Variants in AQP7 observed in about 807,000 individuals in gnomAD.
AQP7 encodes aquaporin 7, also known as aquaporin-7.
AQP7 carries 22 observed loss-of-function variants against 26.1 expected under a neutral mutation model. The observed-to-expected ratio is 0.84, with a 90% confidence interval of 0.60 to 1.20. The LOEUF (loss-of-function observed/expected upper bound fraction) is 1.20, where lower values mean the gene tolerates loss of function less well. Among genes scored for constraint, AQP7 ranks in the 50% most tolerant of loss-of-function variants. AQP7 has a pLI of 0.00. For synonymous variants in AQP7, 167 were observed against 181.7 expected, an observed-to-expected ratio of 0.92 and a Z score of 0.65; for missense variants, 412 against 457.5, an observed-to-expected ratio of 0.90 and a Z score of 0.91.
chr9:33,389,354 G>T (rs750853413), intron 3 of AQP7, among the ~76,000 whole-genome samples: 15 of 152,014 alleles, frequency 9.9e-5, no homozygotes, highest in Non-Finnish European at 1.8e-4. Context: ...AATTTATTTT[G>T]TGTAGAGATG....
chr9:33,396,960 G>A (rs891872391), intron 2 of AQP7, among the ~76,000 whole-genome samples: 1 of 151,880 alleles, frequency 6.6e-6, no homozygotes, highest in African/African-American at 2.4e-5. Flanking sequence ...AATTAGTCAG[G>A]TGTTGTGGTG....
At position 33,387,885 on chromosome 9, in the gene AQP7, G is replaced by A. The variant is rs371022223; in HGVS notation, c.145-793C>T. Among the ~76,000 whole-genome samples the A allele has an allele frequency of 6.6e-5, 10 of 152,120 alleles. No individual in the cohort carries two copies. The South Asian group carries it at 8.3e-4, about 13-fold the overall frequency. On this transcript the variant is annotated intron_variant, in intron 3 of 7. Coordinates refer to ENST00000297988, the MANE Select transcript of AQP7 (RefSeq NM_001170.3). ...GCAAACTGTCCCACCCCTGCCCAGC[G>A]TCCTTCTCCAGCTGTGGGTTCCTGG...
intron 3 of AQP7, among the ~76,000 whole-genome samples, chr9:33,387,457 G>A (rs539930487): frequency 5.9e-5 from 9 of 152,124 alleles, no homozygotes; most frequent in African/African-American, 2.2e-4. Context: ...CACACTTCAG[G>A]CTGGCCTGAA....
At chr9:33,392,144 TC>T (rs1254522631) in intron 3 of AQP7, among the ~76,000 whole-genome samples, 23 of 152,072 alleles carry the variant, frequency 1.5e-4, no homozygotes, top group African/African-American at 4.8e-4. Flanking sequence ...TGAAACCTCG[TC>T]TTTCCTAAAA....
Position 33,387,048 on chromosome 9 carries a change from T to C in AQP7, c.189A>G (p.Lys63=), listed in dbSNP as rs144983498. 4.5e-5 allele frequency: 72 copies of C among 1,611,862 alleles called. No individual in the cohort carries two copies. In the African/African-American group the frequency reaches 8.6e-4, roughly 19 times the overall value. Residue 63 remains lysine (K), a synonymous_variant, in exon 4 of 8, where the codon AAA becomes AAG. Transcript: ENST00000297988. The part of the protein sequence containing the change: ...GSVAHMVLNK[K]YGSYLGVNLG... ...AGTTGACACCAAGGTAGCTCCCATATTTTTTATTTAGAACCATATGGGCCA... is the reference window on the plus strand; with the variant it reads ...AGTTGACACCAAGGTAGCTCCCATACTTTTTATTTAGAACCATATGGGCCA...
chr9:33,396,867 G>A (rs1454692101), intron 2 of AQP7, among the ~76,000 whole-genome samples: 2 of 151,380 alleles, frequency 1.3e-5, no homozygotes, highest in Admixed American at 6.6e-5. Context: ...TTGCCGAGGC[G>A]AGCTGATCGC....
At chr9:33,398,027 A>T (rs986778458) in intron 2 of AQP7, among the ~76,000 whole-genome samples, 2 of 152,208 alleles carry the variant, frequency 1.3e-5, no homozygotes, top group African/African-American at 4.8e-5. Flanking sequence ...ATGCAGTGTG[A>T]TGAGCACTGC....
At chr9:33,398,063 G>A (rs931177187) in intron 2 of AQP7, among the ~76,000 whole-genome samples, 11 of 152,202 alleles carry the variant, frequency 7.2e-5, no homozygotes, top group African/African-American at 1.2e-4. Flanking sequence ...GGGCACCGTG[G>A]GGCATGTGGA....
At position 33,385,085 on chromosome 9, in the gene AQP7, C is replaced by T. The variant is rs199594532; in HGVS notation, c.949G>A (p.Val317Ile). 9.4e-5 allele frequency: 152 copies of T among 1,611,870 alleles called. No homozygotes were observed. Among genetic ancestry groups the T allele is most frequent in the East Asian group, 6.9e-4 (31 of 44,870 alleles). Reference protein sequence around the residue: ...HEPTISPLTPVSVSPANRSSV... With the variant: ...HEPTISPLTPISVSPANRSSV... The stretch of plus-strand genomic sequence containing the variant: ...GATCTGTTGGCAGGGCTCACAGAGA[C>T]GGGGGTGAGGGGAGAGATCGTGGGT... Residue 317 changes from valine (V) to isoleucine (I), a missense_variant, in exon 8 of 8, where the codon GTC (valine) becomes ATC (isoleucine). By Grantham distance (29) the Val-to-Ile change is conservative. Coordinates refer to ENST00000297988, the MANE Select transcript of AQP7 (RefSeq NM_001170.3).
At chr9:33,390,908 G>A (rs895949421) in intron 3 of AQP7, among the ~76,000 whole-genome samples, 17 of 152,186 alleles carry the variant, frequency 1.1e-4, no homozygotes, top group African/African-American at 2.9e-4. Flanking sequence ...TCAGGAGTTC[G>A]AGACCTGCCT....
At chr9:33,396,580 A>G (rs1825867480) in intron 2 of AQP7, among the ~76,000 whole-genome samples, 1 of 148,874 alleles carries the variant, frequency 6.7e-6, no homozygotes, top group South Asian at 2.2e-4. Context: ...CCATCCTTGC[A>G]CATCACGTAC....
intron 3 of AQP7, 41 bp from the exon 4 acceptor site, chr9:33,387,133 C>A: frequency 6.3e-7 from 1 of 1,586,996 alleles, no homozygotes; most frequent in Non-Finnish European, 8.6e-7. Context: ...TGCCCAGAAG[C>A]CCCAACCTCA....
intron 7 of AQP7, 107 bp downstream of exon 7, chr9:33,385,542 G>A (rs773615642): frequency 4.0e-5 from 55 of 1,375,728 alleles, no homozygotes; most frequent in South Asian, 3.6e-4. Context: ...GCTACCTGGG[G>A]GCTCAGCAGG....
chr9:33,400,905 G>T (rs1826222345), intron 2 of AQP7: 3 of 358,220 alleles, frequency 8.4e-6, no homozygotes, highest in Non-Finnish European at 1.6e-5. Flanking sequence ...CTGGGCCTTG[G>T]CCATTGCAAG....
At chr9:33,392,882 T>A (rs144445114) in intron 3 of AQP7, among the ~76,000 whole-genome samples, 2 of 152,274 alleles carry the variant, frequency 1.3e-5, no homozygotes, top group East Asian at 3.9e-4. Context: ...CTTGGCCTTC[T>A]TCACACAAGT....
At chr9:33,390,954 A>C (rs1029518877) in intron 3 of AQP7, among the ~76,000 whole-genome samples, 1 of 152,186 alleles carries the variant, frequency 6.6e-6, no homozygotes, top group Non-Finnish European at 1.5e-5. Context: ...TACTAAAGAT[A>C]CAAAAAATTA....
chr9:33,388,123 GC>G (rs1825038654), intron 3 of AQP7, among the ~76,000 whole-genome samples: 1 of 152,120 alleles, frequency 6.6e-6, no homozygotes, highest in African/African-American at 2.4e-5. Context: ...TGCCTGATGC[GC>G]TAAAATTCCC....
chr9:33,385,290 G>A lies in AQP7; in HGVS notation c.744C>T (p.Ser248=). 2 of 1,608,578 alleles carry A rather than the reference G, an allele frequency of 1.2e-6. No individual in the cohort carries two copies. The highest frequency in any genetic ancestry group is 1.7e-6 in the Non-Finnish European group (2 of 1,177,916). ...FIAGWGKQVF[S]NGENWWWVPV... ...GCACCCACCACCAGTTCTCCCCATT[G>A]CTGCAGGCAAGAGGCAGAGGCCTGC... Residue 248 remains serine, a splice_region_variant and synonymous_variant, in exon 8 of 8, where the codon AGC becomes AGT. Transcript: ENST00000297988.
intron 3 of AQP7, among the ~76,000 whole-genome samples, chr9:33,387,733 C>T (rs657080): frequency 0.27 from 40,630 of 150,492 alleles, 6,009 homozygotes; most frequent in South Asian, 0.37. Context: ...AGCCTCAGTC[C>T]AGAGCCACTG....
Sources: allele counts gnomAD v4.1 joint callset (sites outside exome capture counted in the v4.1 genomes callset), GRCh38; gene constraint gnomAD v4.1.1; transcripts MANE v1.5; gene names NCBI Gene and HGNC (gene_info 2026-07-23, HGNC 2026-07-21).